Variants in PRICKLE1 observed in about 807,000 individuals in gnomAD.
PRICKLE1 encodes prickle planar cell polarity protein 1.
Under a neutral mutation model 70.2 loss-of-function variants are expected in PRICKLE1, and 14 were observed. The ratio of observed to expected loss-of-function variants is 0.20; its 90% CI spans 0.13 to 0.31. The LOEUF is 0.31. PRICKLE1 is among the 10% of genes least tolerant of loss of function. The probability of loss-of-function intolerance (pLI) is 1.00; values close to 1 mark genes in which losing one functional copy is unlikely to be tolerated. For synonymous variants in PRICKLE1, 357 were observed against 379.9 expected (o/e 0.94, Z 0.70); for missense variants, 821 against 1,026.2 (o/e 0.80, Z 2.73).
chr12:42,480,325 T>A (rs970244509), intron 1 of PRICKLE1, among the ~76,000 whole-genome samples: 1 of 152,176 alleles, frequency 6.6e-6, no homozygotes, highest in African/African-American at 2.4e-5. Flanking sequence ...GCTGGGCATA[T>A]GCCTATACTC....
chr12:42,568,015 G>A (rs1940651129), intron 1 of PRICKLE1, among the ~76,000 whole-genome samples: 1 of 152,048 alleles, frequency 6.6e-6, no homozygotes, highest in Non-Finnish European at 1.5e-5. Flanking sequence ...TGTTCATTGT[G>A]AATGGAATCT....
chr12:42,469,368 G>C (rs1040376822), intron 4 of PRICKLE1, 82 bp downstream of exon 4: 26 of 1,546,898 alleles, frequency 1.7e-5, no homozygotes, highest in Non-Finnish European at 2.2e-5. Context: ...CCACACCTCT[G>C]CTAGTCCAGT....
Position 42,458,914 on chromosome 12 carries a change from T to C in PRICKLE1, c.*895A>G, listed in dbSNP as rs899733164. The C allele has an allele frequency of 5.4e-6, 1 of 183,662 alleles. No individual in the cohort carries two copies. The highest frequency in any genetic ancestry group is 1.2e-4 in the South Asian group (1 of 8,030). 11.4% of individuals were successfully genotyped at this position (183,662 alleles called of 1,614,324 possible). ...AACACTTGTAAGATTAATAGGGCCATAGTTTTAAAGAGTACTTACATAGCC... is the reference window on the plus strand; with the variant it reads ...AACACTTGTAAGATTAATAGGGCCACAGTTTTAAAGAGTACTTACATAGCC... On this transcript the variant is annotated 3_prime_UTR_variant, in exon 8 of 8. Transcript: ENST00000345127.
intron 1 of PRICKLE1, among the ~76,000 whole-genome samples, chr12:42,503,952 G>C (rs1406303307): frequency 6.6e-6 from 1 of 152,104 alleles, no homozygotes; most frequent in East Asian, 1.9e-4. Context: ...GGGGAAAAGT[G>C]GTTTGAGACC....
intron 1 of PRICKLE1, among the ~76,000 whole-genome samples, chr12:42,558,142 T>C (rs573921090): frequency 1.3e-5 from 2 of 152,360 alleles, no homozygotes; most frequent in East Asian, 3.9e-4. Context: ...CCACTCATAC[T>C]ATGTACCTTT....
In PRICKLE1 at chr12:42,460,031, A is replaced by G. The variant is rs1439303595; in HGVS notation, c.2274T>C (p.Asp758=). 1 of 1,614,070 alleles carries G rather than the reference A, an allele frequency of 6.2e-7. No homozygotes were observed. The highest frequency in any genetic ancestry group is 2.2e-5 in the East Asian group (1 of 44,856). ...AGGAGGAAGAACACCAGGAATCATC[A>G]TCCTCGCCGTAGAGTCCCAGAAACC... ...MNRFLGLYGE[D]DDSWCSSSSS... is the part of the protein sequence containing the mutation. The change falls in exon 8 of 8, where the codon GAT becomes GAC. Residue 758 remains aspartate, a synonymous_variant. Transcript: ENST00000345127.
intron 1 of PRICKLE1, among the ~76,000 whole-genome samples, chr12:42,527,947 A>C (rs1288095022): frequency 1.2e-5 from 1 of 81,186 alleles, no homozygotes; most frequent in African/African-American, 5.0e-5. Context: ...ATATATATAT[A>C]TATATATATA....
chr12:42,518,946 A>G (rs1276000431), intron 1 of PRICKLE1, among the ~76,000 whole-genome samples: 2 of 152,184 alleles, frequency 1.3e-5, no homozygotes, highest in African/African-American at 2.4e-5. Flanking sequence ...TGGAGGAAGT[A>G]AAAATGAAAT....
rs1475328734 is a variant in PRICKLE1, at chr12:42,478,383, C to G, written c.-48-5819G>C. Among the ~76,000 whole-genome samples, 63 of 152,092 alleles carry G rather than the reference C, an allele frequency of 4.1e-4. 1 individual carries two copies. Among genetic ancestry groups the G allele is most frequent in the Admixed American group, 4.1e-3 (63 of 15,270 alleles). ...CTCTATAATTTTGAATGTAAATAAA[C>G]CTCATAATGAAGGAGAAAGAAAAGC... On this transcript the variant is annotated intron_variant, in intron 1 of 7. Coordinates refer to ENST00000345127, the MANE Select transcript of PRICKLE1 (RefSeq NM_153026.3).
At chr12:42,503,573 G>A (rs1939353804) in intron 1 of PRICKLE1, among the ~76,000 whole-genome samples, 1 of 152,162 alleles carries the variant, frequency 6.6e-6, no homozygotes, top group African/African-American at 2.4e-5. Flanking sequence ...GCTCTTCAGT[G>A]TAACATACAC....
intron 1 of PRICKLE1, among the ~76,000 whole-genome samples, chr12:42,588,677 C>T (rs1941023873): frequency 1.3e-5 from 2 of 152,144 alleles, no homozygotes; most frequent in East Asian, 3.8e-4. Flanking sequence ...CAGCCGTCCT[C>T]CCTCTCTCCC....
At chr12:42,584,447 A>T (rs1940954041) in intron 1 of PRICKLE1, 1 of 152,192 alleles carries the variant, frequency 6.6e-6, no homozygotes. Context: ...TTTATTAAAA[A>T]GTTTGTTGTG....
chr12:42,581,444 A>T (rs1323322916), intron 1 of PRICKLE1, among the ~76,000 whole-genome samples: 1 of 151,906 alleles, frequency 6.6e-6, no homozygotes, highest in Non-Finnish European at 1.5e-5. Context: ...AAAGTATTTC[A>T]TTAAAGGTTA....
chr12:42,525,262 TGC>T (rs1939781426), intron 1 of PRICKLE1, among the ~76,000 whole-genome samples: 1 of 152,232 alleles, frequency 6.6e-6, no homozygotes, highest in African/African-American at 2.4e-5. Flanking sequence ...CCTTTGCAGG[TGC>T]CTTGCCCTGT....
In PRICKLE1 at chr12:42,460,005, G is replaced by A; in HGVS notation, c.2300C>T (p.Ser767Phe). 2.5e-6 allele frequency: 4 copies of A among 1,614,040 alleles called. No individual in the cohort carries two copies. Among genetic ancestry groups the A allele is most frequent in the Non-Finnish European group, 3.4e-6 (4 of 1,179,992 alleles). Residue 767 changes from serine to phenylalanine, a missense_variant, in exon 8 of 8, where the codon TCC becomes TTC. Transcript: ENST00000345127. Reference sequence around the variant, plus strand: ...TTCTTCTTCCGAGTCGGAAGAGGAGGAGGAGGAAGAACACCAGGAATCATC... The same window carrying A: ...TTCTTCTTCCGAGTCGGAAGAGGAGAAGGAGGAAGAACACCAGGAATCATC... ...EDDDSWCSSS[S>F]SSSDSEEEGY... is the part of the protein sequence containing the mutation.
intron 1 of PRICKLE1, among the ~76,000 whole-genome samples, chr12:42,493,677 C>T (rs1669927): frequency 0.81 from 122,709 of 151,934 alleles, 50,086 homozygotes; most frequent in African/African-American, 0.92. Context: ...CATTCAGTTA[C>T]GTATTAGATC....
In PRICKLE1 at chr12:42,464,318, G is replaced by T; in HGVS notation, c.1639+77C>A. Reference sequence around the variant, plus strand: ...TTATAGGCATGAGCCACTGCGCCTGGCTTGAATTGCAATTTTTTGAATACA... The same window carrying T: ...TTATAGGCATGAGCCACTGCGCCTGTCTTGAATTGCAATTTTTTGAATACA... On this transcript the variant is annotated intron_variant, in intron 7 of 7. Transcript: ENST00000345127. The surrounding 1 kb of genome is among the most constrained non-coding windows in gnomAD (Gnocchi z 4.2). The T allele has an allele frequency of 1.3e-6, 2 of 1,580,178 alleles. No individual in the cohort carries two copies. The highest frequency in any genetic ancestry group is 1.7e-6 in the Non-Finnish European group (2 of 1,151,146).
Position 42,523,150 on chromosome 12 carries a change from G to C in PRICKLE1, c.-48-50586C>G, listed in dbSNP as rs1422998394. On this transcript the variant is annotated intron_variant, in intron 1 of 7. Transcript: ENST00000345127. ...CTAATTTTTTTGTATTTTATTTTTA[G>C]TAGAGACGGGGTTTCACTGTGTTAG... Among the ~76,000 whole-genome samples the C allele has an allele frequency of 2.6e-5, 4 of 151,998 alleles. No individual in the cohort carries two copies. In the East Asian group the frequency reaches 7.7e-4, roughly 29 times the overall value.
intron 5 of PRICKLE1, among the ~76,000 whole-genome samples, chr12:42,467,886 C>T (rs1198097217): frequency 1.3e-5 from 2 of 152,098 alleles, no homozygotes; most frequent in Non-Finnish European, 2.9e-5. Flanking sequence ...GAAGATACAA[C>T]GAGTAAATGC....
Sources: allele counts gnomAD v4.1 joint callset (sites outside exome capture counted in the v4.1 genomes callset), GRCh38; gene constraint gnomAD v4.1.1; non-coding constraint Gnocchi (gnomAD v3.1); transcripts MANE v1.5; gene names NCBI Gene and HGNC (gene_info 2026-07-23, HGNC 2026-07-21).